The following OPCML variants were observed in gnomAD, a reference collection of about 807,000 sequenced individuals.
OPCML encodes opioid-binding protein/cell adhesion molecule.
OPCML carries 13 observed loss-of-function variants against 37.8 expected under a neutral mutation model. The observed-to-expected ratio is 0.34, with a 90% confidence interval of 0.22 to 0.55. OPCML has a LOEUF of 0.55. OPCML is among the 20% of genes least tolerant of loss of function. The pLI is 0.91. For synonymous variants in OPCML, 176 were observed against 168.8 expected (o/e 1.04, Z -0.33); for missense variants, 341 against 435.6 (o/e 0.78, Z 1.93).
At chr11:133,195,839 T>A (rs971612496) in intron 1 of OPCML, among the ~76,000 whole-genome samples, 1 of 152,206 alleles carries the variant, frequency 6.6e-6, no homozygotes, top group South Asian at 2.1e-4. Context: ...ATATGCTCAA[T>A]GAATATCTGT....
At chr11:132,555,777 T>C (rs1565661729) in intron 3 of OPCML, among the ~76,000 whole-genome samples, 1 of 152,070 alleles carries the variant, frequency 6.6e-6, no homozygotes, top group Admixed American at 6.6e-5. Flanking sequence ...GTAGCACTGG[T>C]CTGAACAAAT....
chr11:133,414,040 G>A lies in OPCML; in HGVS notation c.61+118224C>T, dbSNP rs192514109. Among the ~76,000 whole-genome samples, 815 of 152,250 alleles carry A rather than the reference G, an allele frequency of 5.4e-3. 9 individuals carry two copies. The highest frequency in any genetic ancestry group is 0.018 in the African/African-American group (739 of 41,552). On this transcript the variant is annotated intron_variant, in intron 1 of 7. Transcript: ENST00000524381. ...TGTGTGTGTGCTTAGAGCCAGGCAG[G>A]TTTAAGACAGAAGAAATACAAGCGT...
intron 4 of OPCML, among the ~76,000 whole-genome samples, chr11:132,489,487 T>C (rs79302427): frequency 0.011 from 1,616 of 152,326 alleles, 11 homozygotes; most frequent in Non-Finnish European, 0.015. Context: ...TATGTAATTA[T>C]ACATGCTGGA....
At chr11:132,925,057 C>T (rs536646450) in intron 2 of OPCML, among the ~76,000 whole-genome samples, 3 of 152,344 alleles carry the variant, frequency 2.0e-5, no homozygotes, top group Admixed American at 2.0e-4. Flanking sequence ...CACCAAAGAG[C>T]TCATCAAATG....
chr11:133,046,501 A>T (rs1420592600), intron 1 of OPCML, among the ~76,000 whole-genome samples: 1 of 152,112 alleles, frequency 6.6e-6, no homozygotes, highest in Non-Finnish European at 1.5e-5. Flanking sequence ...CTGCTGATAG[A>T]CTTCAATGCC....
At chr11:132,881,240 T>C (rs1286566950) in intron 2 of OPCML, among the ~76,000 whole-genome samples, 3 of 152,216 alleles carry the variant, frequency 2.0e-5, no homozygotes. Flanking sequence ...GGTGAGGGAA[T>C]GAAGATCTGT....
intron 1 of OPCML, among the ~76,000 whole-genome samples, chr11:133,502,751 T>C (rs1296347416): frequency 6.6e-6 from 1 of 152,178 alleles, no homozygotes; most frequent in East Asian, 1.9e-4. Context: ...CAGGTCCCAC[T>C]ATTCTGCTTC....
At chr11:132,453,374 A>G (rs756345464) in intron 4 of OPCML, among the ~76,000 whole-genome samples, 2 of 152,194 alleles carry the variant, frequency 1.3e-5, no homozygotes, top group African/African-American at 2.4e-5. Context: ...TGCGTATTGA[A>G]TCGCTGACAT....
At chr11:132,606,318 C>T (rs1591615593) in intron 3 of OPCML, among the ~76,000 whole-genome samples, 1 of 152,094 alleles carries the variant, frequency 6.6e-6, no homozygotes, top group East Asian at 1.9e-4. Context: ...CAGGAACTGC[C>T]TGCTGGGGAG....
chr11:132,751,070 G>A (rs1436960353), intron 2 of OPCML, among the ~76,000 whole-genome samples: 4 of 152,044 alleles, frequency 2.6e-5, no homozygotes, highest in Admixed American at 6.6e-5. Flanking sequence ...TGAACAAACC[G>A]GAACAAGAAC....
intron 1 of OPCML, among the ~76,000 whole-genome samples, chr11:133,490,366 G>A (rs1947628545): frequency 6.6e-6 from 1 of 152,252 alleles, no homozygotes; most frequent in East Asian, 1.9e-4. Context: ...TTTACATGCA[G>A]ATATACTTGA....
chr11:133,071,292 G>T (rs1384280368), intron 1 of OPCML, among the ~76,000 whole-genome samples: 12 of 152,160 alleles, frequency 7.9e-5, no homozygotes, highest in Non-Finnish European at 1.8e-4. Context: ...ATGTGTGTGT[G>T]TGTTTCTTAC....
Position 133,450,026 on chromosome 11 carries a change from C to T in OPCML, c.61+82238G>A, listed in dbSNP as rs568409541. On this transcript the variant is annotated intron_variant, in intron 1 of 7. Coordinates refer to ENST00000524381, the MANE Select transcript of OPCML (RefSeq NM_001012393.5). ...TTATTTGATGAAAAATAGGCACAGG[C>T]ACATATCTTACACTTTCCTGCCTCT... Among the ~76,000 whole-genome samples, 41 of 151,774 alleles carry T rather than the reference C, an allele frequency of 2.7e-4. 1 individual carries two copies. Among genetic ancestry groups the T allele is most frequent in the Admixed American group, 2.7e-3 (41 of 15,276 alleles).
chr11:132,425,053 A>G (rs1032520674), intron 7 of OPCML, among the ~76,000 whole-genome samples: 1 of 152,122 alleles, frequency 6.6e-6, no homozygotes. Context: ...TCAAAGGGTA[A>G]TGTGTCCATC....
chr11:133,071,597 A>T (rs1485598369), intron 1 of OPCML, among the ~76,000 whole-genome samples: 1 of 152,216 alleles, frequency 6.6e-6, no homozygotes, highest in Non-Finnish European at 1.5e-5. Flanking sequence ...TGATGTGGGC[A>T]AGTCACTCCC....
intron 1 of OPCML, among the ~76,000 whole-genome samples, chr11:133,381,074 C>T (rs1312827554): frequency 2.0e-5 from 3 of 152,232 alleles, no homozygotes; most frequent in African/African-American, 7.2e-5. Context: ...TGTTCTGAGG[C>T]AGCCTGGCAG....
chr11:133,481,452 T>A (rs1023250455), intron 1 of OPCML, among the ~76,000 whole-genome samples: 15 of 149,750 alleles, frequency 1.0e-4, no homozygotes, highest in South Asian at 4.2e-4. Context: ...AAAAAATAAA[T>A]AAATAAATAA....
intron 1 of OPCML, among the ~76,000 whole-genome samples, chr11:133,280,640 C>T (rs2136507159): frequency 6.6e-6 from 1 of 152,220 alleles, no homozygotes; most frequent in South Asian, 2.1e-4. Flanking sequence ...TGTCTTTTAG[C>T]AGGATATTCA....
intron 2 of OPCML, among the ~76,000 whole-genome samples, chr11:132,840,337 C>T (rs1270919195): frequency 6.6e-6 from 1 of 152,166 alleles, no homozygotes; most frequent in African/African-American, 2.4e-5. Flanking sequence ...TGCAGCAGCC[C>T]TGTGTCCGAA....
Sources: allele counts gnomAD v4.1 joint callset (sites outside exome capture counted in the v4.1 genomes callset), GRCh38; gene constraint gnomAD v4.1.1; transcripts MANE v1.5; gene names NCBI Gene and HGNC (gene_info 2026-07-23, HGNC 2026-07-21).